The following SOS1 variants were observed in gnomAD, a reference collection of about 807,000 sequenced individuals.
SOS1 encodes the protein son of sevenless homolog 1.
A neutral mutation model predicts 157.6 loss-of-function variants in SOS1; 25 were observed. The ratio of observed to expected loss-of-function variants is 0.16; its 90% CI spans 0.12 to 0.22. SOS1 has a LOEUF of 0.22. Among genes scored for constraint, SOS1 ranks in the 10% least tolerant of loss-of-function variants. The pLI, the probability that SOS1 is intolerant of heterozygous loss-of-function variation, is 1.00. For synonymous variants in SOS1, 528 were observed against 534.0 expected, an observed-to-expected ratio of 0.99 and a Z score of 0.16; for missense variants, 1,237 against 1,599.1, an observed-to-expected ratio of 0.77 and a Z score of 3.86.
chr2:39,008,329 C>T (rs1669345446), intron 15 of SOS1, among the ~76,000 whole-genome samples: 1 of 152,190 alleles, frequency 6.6e-6, no homozygotes, highest in Non-Finnish European at 1.5e-5. Context: ...ACCTGCTCAA[C>T]CAAGCACTTA....
intron 10 of SOS1, among the ~76,000 whole-genome samples, chr2:39,018,961 T>C (rs1056368990): frequency 9.9e-5 from 15 of 151,794 alleles, no homozygotes; most frequent in East Asian, 1.9e-4. Context: ...CGCTGCCCTA[T>C]AGATGAAAAA....
At chr2:39,086,386 G>T (rs898037767) in intron 1 of SOS1, among the ~76,000 whole-genome samples, 2 of 152,198 alleles carry the variant, frequency 1.3e-5, no homozygotes, top group Admixed American at 6.5e-5. Flanking sequence ...ACTGTAAGAT[G>T]AGCAGATGTT....
intron 1 of SOS1, among the ~76,000 whole-genome samples, chr2:39,115,389 T>A (rs190174028): frequency 6.6e-4 from 99 of 149,612 alleles, no homozygotes; most frequent in Admixed American, 5.6e-3. Context: ...GTCATTTGTA[T>A]CAAATTTGTT....
At chr2:39,031,843 G>A (rs1204803137) in intron 8 of SOS1, among the ~76,000 whole-genome samples, 1 of 152,056 alleles carries the variant, frequency 6.6e-6, no homozygotes, top group Non-Finnish European at 1.5e-5. Context: ...CATTATTGAA[G>A]CAATATGGTT....
intron 1 of SOS1, among the ~76,000 whole-genome samples, chr2:39,077,883 A>T (rs1672069902): frequency 1.3e-5 from 2 of 152,222 alleles, no homozygotes; most frequent in Admixed American, 1.3e-4. Flanking sequence ...ATATCTTTAT[A>T]ACCTGAGTTA....
At chr2:39,074,247 G>C (rs992729771) in intron 1 of SOS1, among the ~76,000 whole-genome samples, 1 of 152,088 alleles carries the variant, frequency 6.6e-6, no homozygotes, top group Admixed American at 6.5e-5. Context: ...CTACTGGGGA[G>C]GCTGAGACAG....
upstream of SOS1, among the ~76,000 whole-genome samples, chr2:39,122,734 TG>T (rs1301529313): frequency 2.6e-5 from 4 of 152,078 alleles, no homozygotes; most frequent in East Asian, 7.7e-4. Context: ...TTATTAGAGA[TG>T]GGGTTTCACT....
At chr2:39,070,612 G>T (rs746844698) in intron 1 of SOS1, among the ~76,000 whole-genome samples, 2 of 151,996 alleles carry the variant, frequency 1.3e-5, no homozygotes, top group Non-Finnish European at 2.9e-5. Context: ...TTACCTGTAG[G>T]ATAGTTCCAC....
intron 10 of SOS1, among the ~76,000 whole-genome samples, chr2:39,017,419 T>C (rs1669665093): frequency 1.3e-5 from 2 of 152,088 alleles, no homozygotes; most frequent in Admixed American, 1.3e-4. Context: ...TAATTGTGAT[T>C]CTGTAACTCT....
chr2:38,996,964 G>A lies in SOS1; in HGVS notation c.3039C>T (p.Ser1013=), dbSNP rs1253044876. ...TAGGGTTTCGTGGTTCTATTTCTAG[G>A]GATTTGTTGAAAAGATAATCTGTAA... ...KEFTDYLFNK[S]LEIEPRNPKP... Residue 1013 remains serine, a synonymous_variant, in exon 19 of 23, where the codon TCC becomes TCT. Coordinates refer to ENST00000402219, the MANE Select transcript of SOS1 (RefSeq NM_005633.4). 2 of 1,605,220 alleles carry A rather than the reference G, an allele frequency of 1.2e-6. No individual in the cohort carries two copies. Among genetic ancestry groups the A allele is most frequent in the Non-Finnish European group, 1.7e-6 (2 of 1,172,526 alleles).
intron 2 of SOS1, among the ~76,000 whole-genome samples, chr2:39,061,938 T>C (rs923321304): frequency 2.0e-5 from 3 of 152,048 alleles, no homozygotes; most frequent in African/African-American, 7.2e-5. Flanking sequence ...AAGATAATCT[T>C]GATCAATTCC....
At chr2:39,026,925 C>T (rs986951315) in intron 8 of SOS1, among the ~76,000 whole-genome samples, 1 of 151,922 alleles carries the variant, frequency 6.6e-6, no homozygotes, top group East Asian at 1.9e-4. Context: ...TGTGTTGGGC[C>T]GGGGGTTAGA....
intron 9 of SOS1, 104 bp downstream of exon 9, chr2:39,023,906 A>G: frequency 3.7e-6 from 3 of 802,560 alleles, no homozygotes; most frequent in Non-Finnish European, 6.3e-6. Flanking sequence ...CTTGTCACTA[A>G]AACTATTTTC....
At chr2:39,095,519 G>C (rs1279566011) in intron 1 of SOS1, among the ~76,000 whole-genome samples, 1 of 152,188 alleles carries the variant, frequency 6.6e-6, no homozygotes, top group Non-Finnish European at 1.5e-5. Flanking sequence ...AAGTACCAGA[G>C]TTCTGCAGGC....
intron 1 of SOS1, among the ~76,000 whole-genome samples, chr2:39,106,326 C>G (rs1673179118): frequency 6.6e-6 from 1 of 152,020 alleles, no homozygotes; most frequent in Admixed American, 6.5e-5. Flanking sequence ...CGCGGTGGCT[C>G]ACGCCTGTAA....
intron 1 of SOS1, among the ~76,000 whole-genome samples, chr2:39,110,082 G>A (rs991762725): frequency 2.1e-5 from 3 of 144,730 alleles, no homozygotes; most frequent in Non-Finnish European, 4.6e-5. Flanking sequence ...GTGTGTGTAT[G>A]TGCATGTATG....
In SOS1 at chr2:39,044,887, T is replaced by TA. The variant is rs752026261; in HGVS notation, c.864+6256_864+6257insT. Among the ~76,000 whole-genome samples, 28 of 129,666 alleles carry TA rather than the reference T, an allele frequency of 2.2e-4. 1 individual carries two copies. The highest frequency in any genetic ancestry group is 3.8e-4 in the Non-Finnish European group (22 of 58,520). 85.1% of individuals were successfully genotyped at this position (129,666 alleles called of 152,430 possible). On this transcript the variant is annotated intron_variant, in intron 6 of 22. Transcript: ENST00000402219. ...GCGCACACACACACACACACTCTGT[T>TA]GTCCCTTTTATCGGTGAGGGATTGA...
At position 39,058,659 on chromosome 2, in the gene SOS1, T is replaced by C. The variant is rs1558493314; in HGVS notation, c.345+14A>G. On this transcript the variant is annotated intron_variant, in intron 3 of 22. Transcript: ENST00000402219. ...TTTCCCTTAAAAGGCAAGAAGGCAGTAGTTCAGCATTACCTTTAATAAAGG... is the reference window on the plus strand; with the variant it reads ...TTTCCCTTAAAAGGCAAGAAGGCAGCAGTTCAGCATTACCTTTAATAAAGG... 6.2e-7 allele frequency: 1 copy of C among 1,611,898 alleles called. No individual in the cohort carries two copies. Among genetic ancestry groups the C allele is most frequent in the Non-Finnish European group, 8.5e-7 (1 of 1,178,434 alleles).
At chr2:39,061,910 A>G (rs910551392) in intron 2 of SOS1, among the ~76,000 whole-genome samples, 1 of 152,170 alleles carries the variant, frequency 6.6e-6, no homozygotes, top group Non-Finnish European at 1.5e-5. Context: ...TCTCCTTTAC[A>G]TAATAAATAG....
Sources: gnomAD v4.1 joint callset for allele counts (sites outside exome capture counted in the v4.1 genomes callset) on GRCh38, gnomAD v4.1.1 for gene constraint, MANE v1.5 for transcripts, NCBI Gene and HGNC (gene_info 2026-07-23, HGNC 2026-07-21) for gene names.